The following HUNK variants were observed in gnomAD, a reference collection of about 807,000 sequenced individuals.
The protein encoded by HUNK is hormonally up-regulated Neu-associated kinase.
A neutral mutation model predicts 61.0 loss-of-function variants in HUNK; 21 were observed. The ratio of observed to expected loss-of-function variants is 0.34; its 90% CI spans 0.24 to 0.50. The LOEUF is 0.50. Ranked by LOEUF, HUNK falls within the 20% of genes least tolerant of loss-of-function variation. The pLI is 0.98. For missense variants in HUNK, 772 were observed against 945.7 expected (o/e 0.82, Z 2.41); for synonymous variants, 371 against 386.1 (o/e 0.96, Z 0.46).
Position 31,873,993 on chromosome 21 carries a change from C to G in HUNK, c.261+58C>G, listed in dbSNP as rs991856632. 7.6e-7 allele frequency: 1 copy of G among 1,321,712 alleles called. No individual in the cohort carries two copies. The highest frequency in any genetic ancestry group is 1.5e-5 in the African/African-American group (1 of 66,448). The allele number at this position is 1,321,712 out of a possible 1,614,324, so 81.9% of individuals were successfully genotyped here. A position where few individuals can be genotyped will look rare whatever the true frequency, so the allele number is the denominator to read the frequency against. On this transcript the variant is annotated intron_variant, in intron 1 of 10. Transcript: ENST00000270112. The surrounding 1 kb of genome is among the most constrained non-coding windows in gnomAD (Gnocchi z 6.1). Reference sequence around the variant, plus strand: ...CAGGGGCGGGAGTCGGCGGCCAGGACCCCGCGGGGAGCACTGCACTGGGAG... The same window carrying G: ...CAGGGGCGGGAGTCGGCGGCCAGGAGCCCGCGGGGAGCACTGCACTGGGAG...
chr21:31,929,315 T>C (rs2052681644), intron 2 of HUNK, among the ~76,000 whole-genome samples: 1 of 152,106 alleles, frequency 6.6e-6, no homozygotes, highest in Admixed American at 6.6e-5. Flanking sequence ...GCAGAGAGCT[T>C]CCTATTAGAT....
At position 31,998,915 on chromosome 21, in the gene HUNK, G is replaced by C; in HGVS notation, c.1876G>C (p.Asp626His). The stretch of plus-strand genomic sequence containing the variant: ...AACTCTGGTCTCTTTTGCTCACGAA[G>C]ATAAGAACAGCCCCCCAAAAGAGGA... ...HPTLVSFAHE[D>H]KNSPPKEEGL... Residue 626 changes from aspartate to histidine, a missense_variant, in exon 11 of 11, where the codon GAT becomes CAT. Asp to His is a moderately conservative substitution (Grantham distance 81). Around this residue, in one of 2 missense-constraint regions of HUNK, gnomAD observed 413 missense variants for 444.4 expected, o/e 0.93. Coordinates refer to ENST00000270112, the MANE Select transcript of HUNK (RefSeq NM_014586.2). 1.2e-6 allele frequency: 2 copies of C among 1,614,220 alleles called. No homozygotes were observed. The highest frequency in any genetic ancestry group is 1.7e-6 in the Non-Finnish European group (2 of 1,180,054).
chr21:31,923,573 G>T (rs1056049511), intron 1 of HUNK, among the ~76,000 whole-genome samples: 5 of 139,724 alleles, frequency 3.6e-5, no homozygotes, highest in African/African-American at 1.4e-4. Context: ...AAGGAAGGAA[G>T]CGAGGGAGGG....
chr21:31,983,582 G>T lies in HUNK; in HGVS notation c.1230G>T (p.Lys410Asn), dbSNP rs1157301881. 2.5e-6 allele frequency: 4 copies of T among 1,613,696 alleles called. No individual in the cohort carries two copies. The African/African-American group carries it at 5.3e-5, about 22-fold the overall frequency. The change falls in exon 8 of 11, where the codon AAG (lysine) becomes AAT (asparagine). Residue 410 changes from lysine (K) to asparagine (N), a missense_variant. Physicochemically the swap from Lys to Asn is moderately conservative, Grantham distance 94. Transcript: ENST00000270112. ...CYKTRLYQIE[K>N]YRAPKESYEA... ...AGACCCGGCTCTACCAGATAGAAAA[G>T]TACAGGGCCCCCAAGGAGTCCTATG...
At chr21:31,945,954 T>G (rs974432772) in intron 3 of HUNK, 82 bp from the exon 4 acceptor site, 2 of 1,377,422 alleles carry the variant, frequency 1.5e-6, no homozygotes, top group Non-Finnish European at 2.0e-6. Flanking sequence ...CCTGCTGCCC[T>G]TTTTATTTTT....
At chr21:31,903,053 A>G (rs2052480118) in intron 1 of HUNK, among the ~76,000 whole-genome samples, 1 of 151,860 alleles carries the variant, frequency 6.6e-6, no homozygotes, top group African/African-American at 2.4e-5. Context: ...ATAAATCTTG[A>G]TTCGATGAAA....
Position 31,946,068 on chromosome 21 carries a change from G to A in HUNK, c.643G>A (p.Gly215Ser). 1 of 1,611,494 alleles carries A rather than the reference G, an allele frequency of 6.2e-7. No homozygotes were observed. The highest frequency in any genetic ancestry group is 1.1e-5 in the South Asian group (1 of 90,896). The stretch of plus-strand genomic sequence containing the variant: ...TTTGAGCAACTGCGCAGGGATCCTG[G>A]GTTACTCGGATCCGTTCAGCACACA... ...FGLSNCAGIL[G>S]YSDPFSTQCG... The change falls in exon 4 of 11, where the codon GGT becomes AGT. Residue 215 changes from glycine to serine, a missense_variant. By Grantham distance (56) the Gly-to-Ser change is moderately conservative. Transcript: ENST00000270112.
At chr21:31,945,752 T>C (rs2052798050) in intron 3 of HUNK, among the ~76,000 whole-genome samples, 1 of 152,132 alleles carries the variant, frequency 6.6e-6, no homozygotes, top group Non-Finnish European at 1.5e-5. Flanking sequence ...CAAGATTGGA[T>C]GGAAATAGGT....
chr21:31,990,296 T>C, intron 9 of HUNK, 120 bp downstream of exon 9: 1 of 930,104 alleles, frequency 1.1e-6, no homozygotes, highest in South Asian at 1.5e-5. Flanking sequence ...CTCACACAGT[T>C]TTGTGGGGGT....
intron 4 of HUNK, among the ~76,000 whole-genome samples, chr21:31,947,426 G>T (rs1051189669): frequency 3.9e-5 from 6 of 152,224 alleles, no homozygotes; most frequent in African/African-American, 1.4e-4. Context: ...TCACTGCCGA[G>T]ATCATTTCTG....
chr21:31,935,463 C>T (rs530506897), intron 2 of HUNK, among the ~76,000 whole-genome samples: 20 of 152,322 alleles, frequency 1.3e-4, no homozygotes, highest in South Asian at 6.2e-4. Flanking sequence ...ATGTCCAGTT[C>T]TGTGGATTTT....
intron 3 of HUNK, among the ~76,000 whole-genome samples, chr21:31,945,076 C>G (rs1048927594): frequency 6.6e-6 from 1 of 152,120 alleles, no homozygotes; most frequent in Non-Finnish European, 1.5e-5. Context: ...AGACTGGAAG[C>G]CTGTCTCTGC....
At chr21:31,959,028 T>A (rs1293841218) in intron 5 of HUNK, 58 bp downstream of exon 5, 3 of 1,457,468 alleles carry the variant, frequency 2.1e-6, no homozygotes, top group Non-Finnish European at 2.7e-6. Context: ...CCAGTTCGGG[T>A]CTACCTGTGA....
At chr21:31,995,394 G>A (rs569301989) in intron 9 of HUNK, among the ~76,000 whole-genome samples, 41 of 152,312 alleles carry the variant, frequency 2.7e-4, no homozygotes, top group African/African-American at 9.1e-4. Context: ...TTGCAAAGCC[G>A]TTATTGCAGG....
chr21:31,885,482 T>C (rs1278083281), intron 1 of HUNK, among the ~76,000 whole-genome samples: 1 of 151,994 alleles, frequency 6.6e-6, no homozygotes, highest in Non-Finnish European at 1.5e-5. Context: ...CCACCTGGAG[T>C]GGTTTGCTAG....
chr21:31,893,434 A>G (rs1273652522), intron 1 of HUNK, among the ~76,000 whole-genome samples: 1 of 152,192 alleles, frequency 6.6e-6, no homozygotes, highest in Non-Finnish European at 1.5e-5. Flanking sequence ...TTCTCAGGAT[A>G]AGCAGCTCAA....
chr21:31,947,938 C>T (rs2123833007), intron 4 of HUNK, among the ~76,000 whole-genome samples: 1 of 152,300 alleles, frequency 6.6e-6, no homozygotes, highest in East Asian at 1.9e-4. Context: ...ACTGTAACCC[C>T]CTTGTCCAGG....
At chr21:31,965,199 A>G (rs2052955242) in intron 5 of HUNK, among the ~76,000 whole-genome samples, 2 of 152,198 alleles carry the variant, frequency 1.3e-5, no homozygotes, top group African/African-American at 4.8e-5. Flanking sequence ...ACACGGGAAC[A>G]GAAAACCAAA....
intron 7 of HUNK, among the ~76,000 whole-genome samples, chr21:31,975,515 A>G (rs2053042614): frequency 6.6e-6 from 1 of 152,190 alleles, no homozygotes; most frequent in African/African-American, 2.4e-5. Context: ...GAGTCAGCCA[A>G]AGAAATTCAG....
Sources: allele counts gnomAD v4.1 joint callset (sites outside exome capture counted in the v4.1 genomes callset), GRCh38; gene constraint gnomAD v4.1.1; regional missense constraint gnomAD v4.1.1; non-coding constraint Gnocchi (gnomAD v3.1); transcripts MANE v1.5; gene names NCBI Gene and HGNC (gene_info 2026-07-23, HGNC 2026-07-21).